The following ATRN variants were observed in gnomAD, a reference collection of about 807,000 sequenced individuals.
The protein encoded by ATRN is attractin-2.
ATRN carries 54 observed loss-of-function variants against 178.7 expected under a neutral mutation model. The observed-to-expected ratio is 0.30, with a 90% CI of 0.24 to 0.38. The LOEUF (loss-of-function observed/expected upper bound fraction) is 0.38, where lower values mean the gene tolerates loss of function less well. Among genes scored for constraint, ATRN ranks in the 10% least tolerant of loss-of-function variants. The pLI is 1.00. For synonymous variants in ATRN, 636 were observed against 663.0 expected (o/e 0.96, Z 0.63); for missense variants, 1,443 against 1,815.1 (o/e 0.79, Z 3.73).
Position 3,629,128 on chromosome 20 carries a change from C to T in ATRN, c.3863+4556C>T, listed in dbSNP as rs546805357. On this transcript the variant is annotated intron_variant, in intron 25 of 28. Transcript: ENST00000262919. Reference sequence around the variant, plus strand: ...GCTGTGGCCGTCAGTGCACTCTCCACCTCCACTCCCCACCCCACCAACCCT... The same window carrying T: ...GCTGTGGCCGTCAGTGCACTCTCCATCTCCACTCCCCACCCCACCAACCCT... The T allele has an allele frequency of 4.7e-5, 46 of 985,384 alleles. No individual in the cohort carries two copies. The African/African-American group carries it at 7.5e-4, about 16-fold the overall frequency. The allele number at this position is 985,384 out of a possible 1,614,324, so 61.0% of individuals were successfully genotyped here.
At chr20:3,635,858 G>A (rs2087021512) in intron 26 of ATRN, among the ~76,000 whole-genome samples, 1 of 152,002 alleles carries the variant, frequency 6.6e-6, no homozygotes, top group African/African-American at 2.4e-5. Flanking sequence ...GGGTTTTTTA[G>A]ATAACTGTAT....
intron 15 of ATRN, among the ~76,000 whole-genome samples, chr20:3,580,507 T>C (rs1345536530): frequency 2.6e-5 from 4 of 152,144 alleles, no homozygotes; most frequent in Non-Finnish European, 5.9e-5. Flanking sequence ...CAGATTTTTA[T>C]GGAAAAACAA....
rs1267651173 is a variant in ATRN, at chr20:3,489,583, C to G, written c.410+18066C>G. 4 of 1,481,476 alleles carry G rather than the reference C, an allele frequency of 2.7e-6. No homozygotes were observed. The Admixed American group carries it at 5.0e-5, about 19-fold the overall frequency. 91.8% of individuals were successfully genotyped at this position (1,481,476 alleles called of 1,614,324 possible). On this transcript the variant is annotated intron_variant, in intron 1 of 28. Transcript: ENST00000262919. The stretch of plus-strand genomic sequence containing the variant: ...CATATGTCTTCTTATTCACAACATT[C>G]CCACTTGAGTCTTCATATTCTTCCT...
intron 1 of ATRN, among the ~76,000 whole-genome samples, chr20:3,492,867 GTGCGCACGCA>G (rs1482760895): frequency 8.9e-6 from 1 of 111,756 alleles, no homozygotes; most frequent in African/African-American, 4.0e-5. Flanking sequence ...GCGCGCGCGC[GTGCGCACGCA>G]CACACACACA....
intron 1 of ATRN, among the ~76,000 whole-genome samples, chr20:3,485,750 T>C (rs1335029063): frequency 6.7e-6 from 1 of 150,222 alleles, no homozygotes; most frequent in African/African-American, 2.4e-5. Context: ...GCCTCCCAAG[T>C]AGCTGGGATT....
At chr20:3,522,425 A>G (rs2085307753) in intron 1 of ATRN, among the ~76,000 whole-genome samples, 1 of 152,202 alleles carries the variant, frequency 6.6e-6, no homozygotes, top group Non-Finnish European at 1.5e-5. Context: ...TCAGGGGCTT[A>G]TAGATAAAAC....
chr20:3,522,888 A>G (rs537095223), intron 1 of ATRN, among the ~76,000 whole-genome samples: 1 of 152,300 alleles, frequency 6.6e-6, no homozygotes, highest in Non-Finnish European at 1.5e-5. Context: ...AAGGACGTCC[A>G]TACAGAAACC....
chr20:3,582,056 A>G (rs1394715966), intron 15 of ATRN, 79 bp from the exon 16 acceptor site: 11 of 1,313,696 alleles, frequency 8.4e-6, no homozygotes, highest in East Asian at 2.4e-5. Flanking sequence ...CCAGGGCAAC[A>G]TGGCAAGACT....
rs1221792408 is a variant in ATRN, at chr20:3,647,797, A to G, written c.*950A>G. On this transcript the variant is annotated 3_prime_UTR_variant, in exon 29 of 29. Transcript: ENST00000262919. Reference sequence around the variant, plus strand: ...AGCCAGGAAAGAATTTTCTCACCCAAGGAACATTTGATCTAGCAGCAGGGA... The same window carrying G: ...AGCCAGGAAAGAATTTTCTCACCCAGGGAACATTTGATCTAGCAGCAGGGA... The G allele has an allele frequency of 6.6e-6, 1 of 152,226 alleles. No individual in the cohort carries two copies. The highest frequency in any genetic ancestry group is 2.4e-5 in the African/African-American group (1 of 41,468). 9.4% of individuals were successfully genotyped at this position (152,226 alleles called of 1,614,324 possible).
intron 1 of ATRN, among the ~76,000 whole-genome samples, chr20:3,509,609 T>TGCCTCA (rs1224540608): frequency 6.6e-6 from 1 of 151,908 alleles, no homozygotes; most frequent in African/African-American, 2.4e-5. Context: ...GTGATTCGTC[T>TGCCTCA]GCCTCAGCCT....
At position 3,650,962 on chromosome 20, in the gene ATRN, T is replaced by A. The variant is rs2087142664; in HGVS notation, c.*4115T>A. On this transcript the variant is annotated 3_prime_UTR_variant, in exon 29 of 29. Coordinates refer to ENST00000262919, the MANE Select transcript of ATRN (RefSeq NM_139321.3). ...CATTTAGGACTGCAATTTTTTGGTA[T>A]TTTTTGTATTGTAAAATAACAGCTA... is the stretch of plus-strand genomic sequence containing the variant. 6.5e-6 allele frequency: 1 copy of A among 152,754 alleles called. No homozygotes were observed. The highest frequency in any genetic ancestry group is 1.5e-5 in the Non-Finnish European group (1 of 68,028). The allele number at this position is 152,754 out of a possible 1,614,324, so 9.5% of individuals were successfully genotyped here.
At chr20:3,594,617 G>GT in intron 20 of ATRN, 45 bp downstream of exon 20, 1 of 1,532,246 alleles carries the variant, frequency 6.5e-7, no homozygotes, top group South Asian at 1.2e-5. Flanking sequence ...CCAAGAGGCT[G>GT]TGCAGCTGCC....
chr20:3,544,663 A>G (rs1303355025), intron 3 of ATRN, among the ~76,000 whole-genome samples: 1 of 152,222 alleles, frequency 6.6e-6, no homozygotes, highest in African/African-American at 2.4e-5. Context: ...AATTAACAAA[A>G]TTAAAATAGA....
At chr20:3,476,149 AAAAC>A (rs1417516637) in intron 1 of ATRN, among the ~76,000 whole-genome samples, 3 of 152,366 alleles carry the variant, frequency 2.0e-5, no homozygotes, top group Middle Eastern at 3.4e-3. Flanking sequence ...TTGTCACAAA[AAAAC>A]AAAGCAAAAC....
At chr20:3,621,774 G>C (rs2086898992) in intron 24 of ATRN, among the ~76,000 whole-genome samples, 1 of 151,928 alleles carries the variant, frequency 6.6e-6, no homozygotes, top group Admixed American at 6.6e-5. Flanking sequence ...AAAAAGTATG[G>C]GAAAATACTT....
chr20:3,539,243 A>G (rs1178383073), intron 2 of ATRN, among the ~76,000 whole-genome samples: 1 of 152,214 alleles, frequency 6.6e-6, no homozygotes, highest in Non-Finnish European at 1.5e-5. Flanking sequence ...GGCTGAAGCC[A>G]GGCTAGAGAG....
Position 3,562,370 on chromosome 20 carries a change from A to G in ATRN, c.1542A>G (p.Leu514=), listed in dbSNP as rs986153241. Residue 514 remains leucine (L), a synonymous_variant, in exon 9 of 29, where the codon CTA becomes CTG. Coordinates refer to ENST00000262919, the MANE Select transcript of ATRN (RefSeq NM_139321.3). Reference sequence around the variant, plus strand: ...TTTACGACCATAGGACCAGGGCCCTATACGTTCATGGTGGCTACAAGGCTT... The same window carrying G: ...TTTACGACCATAGGACCAGGGCCCTGTACGTTCATGGTGGCTACAAGGCTT... ...SSVYDHRTRA[L]YVHGGYKAFS... 3.7e-6 allele frequency: 6 copies of G among 1,614,024 alleles called. No homozygotes were observed. Among genetic ancestry groups the G allele is most frequent in the African/African-American group, 2.7e-5 (2 of 74,898 alleles).
chr20:3,513,993 G>C (rs948324483), intron 1 of ATRN, among the ~76,000 whole-genome samples: 6 of 152,116 alleles, frequency 3.9e-5, no homozygotes, highest in African/African-American at 9.7e-5. Flanking sequence ...GAGATTTTGG[G>C]CTGAGACGAT....
chr20:3,497,683 T>C (rs2084900085), intron 1 of ATRN, among the ~76,000 whole-genome samples: 1 of 152,092 alleles, frequency 6.6e-6, no homozygotes, highest in Non-Finnish European at 1.5e-5. Context: ...GCGTTCTCTG[T>C]ATTTCCTGAA....
Sources: gnomAD v4.1 joint callset for allele counts (sites outside exome capture counted in the v4.1 genomes callset) on GRCh38, gnomAD v4.1.1 for gene constraint, MANE v1.5 for transcripts, NCBI Gene and HGNC (gene_info 2026-07-23, HGNC 2026-07-21) for gene names.